IGSF11: variants seen among roughly 807,000 people sequenced by gnomAD.
IGSF11 encodes CXADR like 1.
In IGSF11, 22 loss-of-function variants were observed where a neutral mutation model predicts 41.0. That is an observed-to-expected ratio of 0.54 (90% CI 0.38 to 0.77). The LOEUF (loss-of-function observed/expected upper bound fraction) is 0.77, where lower values mean the gene tolerates loss of function less well. IGSF11 is among the 30% of genes least tolerant of loss of function. The pLI, the probability that IGSF11 is intolerant of heterozygous loss-of-function variation, is 0.00. For synonymous variants in IGSF11, 219 were observed against 201.3 expected (o/e 1.09, Z -0.74); for missense variants, 444 against 530.8 (o/e 0.84, Z 1.61).
At position 118,968,650 on chromosome 3, in the gene IGSF11, T is replaced by G. The variant is rs188191721; in HGVS notation, c.53-38375A>C. Among the ~76,000 whole-genome samples the G allele has an allele frequency of 2.0e-5, 3 of 152,352 alleles. No individual in the cohort carries two copies. In the East Asian group the frequency reaches 5.8e-4, roughly 29 times the overall value. The stretch of plus-strand genomic sequence containing the variant: ...AGACAGAGCAATAACTCTCTCTTTA[T>G]CTCTTCGATAACTTTGAGCAAGTGT... On this transcript the variant is annotated intron_variant, in intron 1 of 6. Coordinates refer to ENST00000393775, the MANE Select transcript of IGSF11 (RefSeq NM_001015887.3).
intron 1 of IGSF11, among the ~76,000 whole-genome samples, chr3:118,954,152 T>C (rs1428002709): frequency 3.9e-5 from 6 of 152,248 alleles, no homozygotes; most frequent in East Asian, 3.9e-4. Flanking sequence ...CTTTGTTAAA[T>C]AGGGTGTCCT....
upstream of IGSF11, among the ~76,000 whole-genome samples, chr3:119,038,924 A>G (rs1941012212): frequency 6.6e-6 from 1 of 152,198 alleles, no homozygotes; most frequent in South Asian, 2.1e-4. Context: ...GAGATTATAT[A>G]TTTTTATAAT....
chr3:119,022,657 A>G (rs530303268), intron 1 of IGSF11, among the ~76,000 whole-genome samples: 22 of 152,322 alleles, frequency 1.4e-4, no homozygotes, highest in African/African-American at 4.1e-4. Context: ...CAAAACACCT[A>G]CATACATACA....
chr3:119,057,592 T>C (rs1268614431), intron 1 of IGSF11, among the ~76,000 whole-genome samples: 2 of 152,300 alleles, frequency 1.3e-5, no homozygotes, highest in Admixed American at 6.5e-5. Context: ...AAGCTACCAA[T>C]GACTTTCTTC....
intron 1 of IGSF11, among the ~76,000 whole-genome samples, chr3:118,974,563 A>G (rs1933846834): frequency 6.6e-6 from 1 of 152,232 alleles, no homozygotes; most frequent in Non-Finnish European, 1.5e-5. Context: ...TAAGAATCCT[A>G]CAGTGGTTTA....
chr3:118,909,253 ACTAT>A lies in IGSF11; in HGVS notation c.581-3539_581-3536del, dbSNP rs1158775474. Among the ~76,000 whole-genome samples, 3 of 152,232 alleles carry A rather than the reference ACTAT, an allele frequency of 2.0e-5. No homozygotes were observed. In the East Asian group the frequency reaches 5.8e-4, roughly 29 times the overall value. On this transcript the variant is annotated intron_variant, in intron 4 of 6. Coordinates refer to ENST00000393775, the MANE Select transcript of IGSF11 (RefSeq NM_001015887.3). ...ACTTATATATTTTAAATAATGAGTAACTATAATAAACTGAACATTTCTTATATAA... is the reference window on the plus strand; with the variant it reads ...ACTTATATATTTTAAATAATGAGTAAAATAAACTGAACATTTCTTATATAA...
intron 1 of IGSF11, among the ~76,000 whole-genome samples, chr3:119,094,672 T>TG (rs35627187): frequency 5.6e-5 from 2 of 35,952 alleles, no homozygotes; most frequent in Non-Finnish European, 1.7e-4. Context: ...AGCAACTCTA[T>TG]TTTTTTTTTT....
chr3:118,948,230 T>G (rs547707205), intron 1 of IGSF11: 4 of 152,360 alleles, frequency 2.6e-5, no homozygotes, highest in African/African-American at 9.6e-5. Flanking sequence ...ATGTATTTTG[T>G]ATTGAAAATA....
intron 1 of IGSF11, among the ~76,000 whole-genome samples, chr3:119,144,734 T>A (rs1182191293): frequency 6.6e-6 from 1 of 152,166 alleles, no homozygotes; most frequent in Non-Finnish European, 1.5e-5. Context: ...GTAAAATATA[T>A]ACATACCTAT....
upstream of IGSF11, among the ~76,000 whole-genome samples, chr3:119,037,172 T>C (rs1037360529): frequency 6.6e-6 from 1 of 152,268 alleles, no homozygotes; most frequent in African/African-American, 2.4e-5. Flanking sequence ...TTTATCCTAA[T>C]CTGCTTTACG....
intron 1 of IGSF11, among the ~76,000 whole-genome samples, chr3:118,985,245 A>G (rs1355855955): frequency 6.6e-6 from 1 of 152,196 alleles, no homozygotes; most frequent in Non-Finnish European, 1.5e-5. Context: ...GCACTATGGG[A>G]ATTGAAAGAG....
intron 1 of IGSF11, among the ~76,000 whole-genome samples, chr3:118,970,874 G>A (rs980151521): frequency 2.0e-5 from 3 of 151,748 alleles, no homozygotes; most frequent in African/African-American, 7.3e-5. Flanking sequence ...AGGTACTTAA[G>A]TTAATTATTT....
Position 118,904,784 on chromosome 3 carries a change from T to C in IGSF11, c.718A>G (p.Ile240Val). Residue 240 changes from isoleucine (I) to valine (V), a missense_variant, in exon 6 of 7, where the codon ATT becomes GTT. This residue lies in a region of IGSF11 where 193 missense variants were observed against 283.5 expected (regional missense o/e 0.68). Coordinates refer to ENST00000393775, the MANE Select transcript of IGSF11 (RefSeq NM_001015887.3). ...LQVISPQPRN[I>V]GLIAGAIGTG... The stretch of plus-strand genomic sequence containing the variant: ...CCAATGGCTCCAGCTATTAGTCCAA[T>C]GTTCCTGGGCTGGGCTGCAAAATAT... The C allele has an allele frequency of 1.9e-6, 3 of 1,611,462 alleles. No individual in the cohort carries two copies. The highest frequency in any genetic ancestry group is 2.5e-6 in the Non-Finnish European group (3 of 1,179,218).
chr3:119,130,510 C>T (rs897430239), intron 1 of IGSF11, among the ~76,000 whole-genome samples: 2 of 152,168 alleles, frequency 1.3e-5, no homozygotes, highest in Admixed American at 1.3e-4. Flanking sequence ...GGGGGAGGGG[C>T]ATCCACATTA....
intron 1 of IGSF11, among the ~76,000 whole-genome samples, chr3:118,944,060 C>T (rs1047987991): frequency 1.3e-5 from 2 of 152,194 alleles, no homozygotes; most frequent in East Asian, 1.9e-4. Context: ...ACCAGTAACA[C>T]TGCTTCTTTC....
At chr3:119,009,848 T>A (rs1275490105) in intron 1 of IGSF11, among the ~76,000 whole-genome samples, 1 of 152,184 alleles carries the variant, frequency 6.6e-6, no homozygotes, top group Non-Finnish European at 1.5e-5. Flanking sequence ...CAAGGTACTA[T>A]AAGGAACGTA....
intron 4 of IGSF11, among the ~76,000 whole-genome samples, chr3:118,920,572 A>G (rs939472479): frequency 1.3e-5 from 2 of 152,034 alleles, no homozygotes; most frequent in African/African-American, 2.4e-5. Context: ...TGACCAAAGA[A>G]AGCCACTGCA....
intron 1 of IGSF11, among the ~76,000 whole-genome samples, chr3:119,019,540 C>T (rs1379142559): frequency 1.3e-5 from 2 of 151,816 alleles, no homozygotes; most frequent in Admixed American, 1.3e-4. Flanking sequence ...TTTCTTTCCC[C>T]TTGTCCTGCT....
At position 119,097,527 on chromosome 3, in the gene IGSF11, C is replaced by G. The variant is rs917328036; in HGVS notation, c.49+7617G>C. Among the ~76,000 whole-genome samples, 9 of 151,970 alleles carry G rather than the reference C, an allele frequency of 5.9e-5. No individual in the cohort carries two copies. In the East Asian group the frequency reaches 1.7e-3, roughly 29 times the overall value. Reference sequence around the variant, plus strand: ...GGGGTGAGGTTCACCCCAAACCTGGCCTTCCTGAGGTGGCGAGGTAGAGAG... The same window carrying G: ...GGGGTGAGGTTCACCCCAAACCTGGGCTTCCTGAGGTGGCGAGGTAGAGAG... On this transcript the variant is annotated intron_variant, in intron 1 of 6. Transcript: ENST00000354673.
Sources: allele counts gnomAD v4.1 joint callset (sites outside exome capture counted in the v4.1 genomes callset), GRCh38; gene constraint gnomAD v4.1.1; regional missense constraint gnomAD v4.1.1; transcripts MANE v1.5; gene names NCBI Gene and HGNC (gene_info 2026-07-23, HGNC 2026-07-21).